KIAA1755: variants seen among roughly 807,000 people sequenced by gnomAD.
KIAA1755 encodes the protein uncharacterized protein KIAA1755.
In KIAA1755, 68 loss-of-function variants were observed where a neutral mutation model predicts 91.7. That is an observed-to-expected ratio of 0.74 (90% CI 0.61 to 0.91). The LOEUF (loss-of-function observed/expected upper bound fraction) is 0.91, where lower values mean the gene tolerates loss of function less well. KIAA1755 is among the 40% of genes least tolerant of loss of function. The pLI, the probability that KIAA1755 is intolerant of heterozygous loss-of-function variation, is 0.00. For synonymous variants in KIAA1755, 610 were observed against 604.6 expected, an observed-to-expected ratio of 1.01 and a Z score of -0.13; for missense variants, 1,535 against 1,494.4, an observed-to-expected ratio of 1.03 and a Z score of -0.45.
At chr20:38,220,401 G>T (rs2075636497) in intron 10 of KIAA1755, among the ~76,000 whole-genome samples, 1 of 148,518 alleles carries the variant, frequency 6.7e-6, no homozygotes, top group Non-Finnish European at 1.5e-5. Flanking sequence ...TGCAACCTCT[G>T]CCTCCTGGGT....
intron 2 of KIAA1755, among the ~76,000 whole-genome samples, chr20:38,244,888 C>T (rs4535117): frequency 0.04 from 6,023 of 152,114 alleles, 178 homozygotes; most frequent in African/African-American, 0.08. Flanking sequence ...CCACCACGCC[C>T]GGCTAATTTT....
At chr20:38,242,040 T>A (rs2076078737) in intron 2 of KIAA1755, 111 bp from the exon 3 acceptor site, 1 of 1,109,852 alleles carries the variant, frequency 9.0e-7, no homozygotes, top group Non-Finnish European at 1.3e-6. Context: ...GGGACTAGGA[T>A]GAGGCAGCAT....
At position 38,217,432 on chromosome 20, in the gene KIAA1755, G is replaced by A. The variant is rs944539628; in HGVS notation, c.2722C>T (p.Gln908Ter). 9.3e-6 allele frequency: 15 copies of A among 1,612,552 alleles called. No individual in the cohort carries two copies. The African/African-American group carries it at 1.2e-4, about 13-fold the overall frequency. Residue 908 changes from glutamine to a stop codon, truncating the protein, a stop_gained, in exon 13 of 14, where the codon CAG becomes TAG. Transcript: ENST00000279024. LOFTEE classifies it high-confidence loss of function. The stretch of plus-strand genomic sequence containing the variant: ...GCCCCTCTGGCTGTAGCTCCCAGCT[G>A]AGCGGCCTGCTTGGACAGCTCCAGG... Reference protein sequence around the residue: ...RGLELSKQAAQLGATARGAGE... With the variant: ...RGLELSKQAA
chr20:38,238,279 GA>G (rs1031218570), intron 4 of KIAA1755, among the ~76,000 whole-genome samples: 46 of 152,212 alleles, frequency 3.0e-4, no homozygotes, highest in African/African-American at 6.8e-4. Context: ...CAGCAAAGAT[GA>G]CCAGGAAAAT....
At chr20:38,216,458 C>A (rs2075544707) in intron 13 of KIAA1755, among the ~76,000 whole-genome samples, 1 of 152,210 alleles carries the variant, frequency 6.6e-6, no homozygotes, top group Admixed American at 6.5e-5. Context: ...AGGCTGGGGT[C>A]AGGTCTTTCT....
intron 8 of KIAA1755, among the ~76,000 whole-genome samples, chr20:38,223,884 G>C (rs570751899): frequency 6.6e-6 from 1 of 152,332 alleles, no homozygotes; most frequent in Admixed American, 6.5e-5. Context: ...TGCTGATGCT[G>C]CTGGCCTGGG....
chr20:38,241,895 C>G lies in KIAA1755; in HGVS notation c.236G>C (p.Gly79Ala), dbSNP rs781200290. Residue 79 changes from glycine (G) to alanine (A), a missense_variant, in exon 3 of 14, where the codon GGC becomes GCC. By Grantham distance (60) the Gly-to-Ala change is moderately conservative. Coordinates refer to ENST00000279024, the MANE Select transcript of KIAA1755 (RefSeq NM_001029864.2). The part of the protein sequence containing the change: ...PYSHCLFLHE[G>A]WPLCLRDEVV... ...TTCATCCCTCAGACAGAGTGGCCAG[C>G]CCTCGTGTAAGAAGAGGCAGTGTGA... 6.2e-7 allele frequency: 1 copy of G among 1,613,570 alleles called. No homozygotes were observed. The highest frequency in any genetic ancestry group is 8.5e-7 in the Non-Finnish European group (1 of 1,179,912).
intron 5 of KIAA1755, 98 bp from the exon 6 acceptor site, chr20:38,228,338 G>T: frequency 1.2e-6 from 1 of 857,112 alleles, no homozygotes; most frequent in Non-Finnish European, 1.7e-6. Context: ...TAGAAACCTT[G>T]ATTTACTGGT....
At position 38,227,170 on chromosome 20, in the gene KIAA1755, G is replaced by A; in HGVS notation, c.2036C>T (p.Thr679Ile). ...CCCCCTCACCTGGACGTCAGGTAATGTCTGCAGCTGGAGAGCCGCCTCCTT... is the reference window on the plus strand; with the variant it reads ...CCCCCTCACCTGGACGTCAGGTAATATCTGCAGCTGGAGAGCCGCCTCCTT... ...GEKEAALQLQ[T>I]LPDVQVEVLT... is the part of the protein sequence containing the mutation. Residue 679 changes from threonine (T) to isoleucine (I), a missense_variant, in exon 7 of 14, where the codon ACA (threonine) becomes ATA (isoleucine). Coordinates refer to ENST00000279024, the MANE Select transcript of KIAA1755 (RefSeq NM_001029864.2). 2 of 1,613,774 alleles carry A rather than the reference G, an allele frequency of 1.2e-6. No individual in the cohort carries two copies. The highest frequency in any genetic ancestry group is 1.7e-6 in the Non-Finnish European group (2 of 1,179,792).
At chr20:38,232,501 G>A (rs1013056303) in intron 4 of KIAA1755, among the ~76,000 whole-genome samples, 1 of 151,802 alleles carries the variant, frequency 6.6e-6, no homozygotes, top group Non-Finnish European at 1.5e-5. Context: ...GGTGGCGGGC[G>A]CCTGTAGTCC....
At chr20:38,231,370 G>T in intron 4 of KIAA1755, 45 bp from the exon 5 acceptor site, 1 of 1,556,172 alleles carries the variant, frequency 6.4e-7, no homozygotes. Flanking sequence ...CTTGTGGGGG[G>T]CCCTCTAGGG....
Position 38,241,869 on chromosome 20 carries a change from C to T in KIAA1755, c.262G>A (p.Val88Ile). ...EGWPLCLRDE[V>I]VVHLAPLNPL... is the part of the protein sequence containing the mutation. Reference sequence around the variant, plus strand: ...TTGAGGGGTGCCAAGTGGACCACAACTTCATCCCTCAGACAGAGTGGCCAG... The same window carrying T: ...TTGAGGGGTGCCAAGTGGACCACAATTTCATCCCTCAGACAGAGTGGCCAG... The change falls in exon 3 of 14, where the codon GTT (valine) becomes ATT (isoleucine). Residue 88 changes from valine (V) to isoleucine (I), a missense_variant. Val to Ile is a conservative substitution (Grantham distance 29). Transcript: ENST00000279024. The T allele has an allele frequency of 1.9e-6, 3 of 1,614,020 alleles. No homozygotes were observed. The highest frequency in any genetic ancestry group is 2.5e-6 in the Non-Finnish European group (3 of 1,180,014).
rs148632498 is a variant in KIAA1755, at chr20:38,246,048, C to T, written c.82G>A (p.Val28Ile). ...YPPFEATAPT[V>I]LGQVFRLLDS... is the part of the protein sequence containing the mutation. ...AGGAGACGGAACACCTGACCCAGGA[C>T]GGTGGGTGCTGTGGCCTCGAAAGGA... Residue 28 changes from valine to isoleucine, a missense_variant, in exon 2 of 14, where the codon GTC (valine) becomes ATC (isoleucine). Physicochemically the swap from Val to Ile is conservative, Grantham distance 29. Transcript: ENST00000279024. 1.8e-4 allele frequency: 287 copies of T among 1,614,150 alleles called. No individual in the cohort carries two copies. The highest frequency in any genetic ancestry group is 1.7e-3 in the African/African-American group (130 of 75,048).
chr20:38,235,767 A>G (rs1441117410), intron 4 of KIAA1755, among the ~76,000 whole-genome samples: 1 of 152,258 alleles, frequency 6.6e-6, no homozygotes, highest in African/African-American at 2.4e-5. Flanking sequence ...CTAATTTGTA[A>G]TAACTTGTTA....
Position 38,211,991 on chromosome 20 carries a change from A to G in KIAA1755, c.*1051T>C, listed in dbSNP as rs1364679834. 1 of 152,212 alleles carries G rather than the reference A, an allele frequency of 6.6e-6. No individual in the cohort carries two copies. The highest frequency in any genetic ancestry group is 1.5e-5 in the Non-Finnish European group (1 of 68,048). The allele number at this position is 152,212 out of a possible 1,614,324, so 9.4% of individuals were successfully genotyped here. On this transcript the variant is annotated 3_prime_UTR_variant, in exon 14 of 14. Transcript: ENST00000279024. ...TCCATGCTGTCTTTCAGAGATCTCC[A>G]GAAAGATCCAGCTACAGTTGCCAAC...
rs139466067 is a variant in KIAA1755 at position 38,239,598 on chromosome 20, G to C, written c.1677C>G (p.Pro559=). ...CCCCAATCCTGGGCTCAGGCCCTGGGGGCTCCTCCTCCAGGGTGGGGCCTC... is the reference window on the plus strand; with the variant it reads ...CCCCAATCCTGGGCTCAGGCCCTGGCGGCTCCTCCTCCAGGGTGGGGCCTC... ...PERGPTLEEE[P]PGPEPRIGAL... The change falls in exon 4 of 14, where the codon CCC becomes CCG. Residue 559 remains proline (P), a synonymous_variant. Transcript: ENST00000279024. 1.9e-6 allele frequency: 3 copies of C among 1,607,862 alleles called. No individual in the cohort carries two copies. Among genetic ancestry groups the C allele is most frequent in the African/African-American group, 2.7e-5 (2 of 74,504 alleles).
At chr20:38,219,381 G>C (rs1296234833) in intron 11 of KIAA1755, among the ~76,000 whole-genome samples, 1 of 152,228 alleles carries the variant, frequency 6.6e-6, no homozygotes, top group Non-Finnish European at 1.5e-5. Context: ...CTCTGGCCCA[G>C]GGCTTGGCAC....
At chr20:38,216,427 G>T (rs1193851466) in intron 13 of KIAA1755, among the ~76,000 whole-genome samples, 1 of 152,230 alleles carries the variant, frequency 6.6e-6, no homozygotes, top group East Asian at 1.9e-4. Flanking sequence ...GCCTGCACGT[G>T]GGGCTGGCCT....
In KIAA1755 at chr20:38,240,990, G is replaced by A; in HGVS notation, c.1141C>T (p.Leu381=). Residue 381 remains leucine (L), a synonymous_variant, in exon 3 of 14, where the codon CTG becomes TTG. Coordinates refer to ENST00000279024, the MANE Select transcript of KIAA1755 (RefSeq NM_001029864.2). The part of the protein sequence containing the change: ...GSYMNVLEDA[L]DCASGLRAGV... ...GCCCTGAGACCAGAGGCACAGTCCA[G>A]TGCGTCCTCAAGGACATTCATGTAG... 2 of 1,614,208 alleles carry A rather than the reference G, an allele frequency of 1.2e-6. No individual in the cohort carries two copies. Among genetic ancestry groups the A allele is most frequent in the South Asian group, 1.1e-5 (1 of 91,090 alleles).
Sources: gnomAD v4.1 joint callset for allele counts (sites outside exome capture counted in the v4.1 genomes callset) on GRCh38, gnomAD v4.1.1 for gene constraint, MANE v1.5 for transcripts, NCBI Gene and HGNC (gene_info 2026-07-23, HGNC 2026-07-21) for gene names.